PVT1: variants seen among roughly 807,000 people sequenced by gnomAD.
PVT1 encodes CXCR4/PVT1 fusion.
intron 2 of PVT1, among the ~76,000 whole-genome samples, chr8:127,809,530 A>T (rs1814568431): frequency 6.6e-6 from 1 of 152,190 alleles, no homozygotes; most frequent in Admixed American, 6.5e-5. Flanking sequence ...GGATGAGATT[A>T]GAGTGATGTG....
intron 5 of PVT1, among the ~76,000 whole-genome samples, chr8:128,092,174 C>T (rs1324463532): frequency 6.6e-6 from 1 of 152,122 alleles, no homozygotes; most frequent in African/African-American, 2.4e-5. Flanking sequence ...TGTCAGCCAG[C>T]CCCCCTGCTG....
At chr8:128,054,561 C>T (rs1586500033) in intron 4 of PVT1, among the ~76,000 whole-genome samples, 1 of 152,290 alleles carries the variant, frequency 6.6e-6, no homozygotes, top group East Asian at 1.9e-4. Flanking sequence ...GATTGAAACA[C>T]TGATGGCCTG....
At chr8:127,869,128 C>CTTTA (rs1269221969) in intron 2 of PVT1, among the ~76,000 whole-genome samples, 3 of 151,528 alleles carry the variant, frequency 2.0e-5, no homozygotes, top group South Asian at 2.1e-4. Flanking sequence ...CATTATTATT[C>CTTTA]TTTATTTATT....
chr8:127,984,968 C>T (rs28474948), intron 3 of PVT1, among the ~76,000 whole-genome samples: 3,111 of 131,570 alleles, frequency 0.024, 362 homozygotes, highest in African/African-American at 0.1. Context: ...TCCTTCCTCC[C>T]TCCTTCCTTC....
chr8:128,002,223 G>A (rs996512209), intron 4 of PVT1, among the ~76,000 whole-genome samples: 1 of 152,134 alleles, frequency 6.6e-6, no homozygotes, highest in South Asian at 2.1e-4. Flanking sequence ...TCTCACATCC[G>A]CCCTGGGTGA....
chr8:127,953,567 GCAACAGCACTATC>G (rs927617017), intron 3 of PVT1, among the ~76,000 whole-genome samples: 2 of 152,168 alleles, frequency 1.3e-5, no homozygotes, highest in Non-Finnish European at 2.9e-5. Flanking sequence ...TGCTCTGGTA[GCAACAGCACTATC>G]CACACCCCTC....
At chr8:127,989,022 A>T (rs1334227351) in intron 3 of PVT1, 2 of 152,216 alleles carry the variant, frequency 1.3e-5, no homozygotes, top group African/African-American at 2.4e-5. Context: ...TGCTCATTAA[A>T]TGTCTTCTCT....
chr8:127,922,134 C>T (rs1325385396), intron 3 of PVT1, among the ~76,000 whole-genome samples: 1 of 151,996 alleles, frequency 6.6e-6, no homozygotes, highest in Non-Finnish European at 1.5e-5. Flanking sequence ...GCAGGGATTA[C>T]AGGTGTGAGC....
intron 3 of PVT1, chr8:127,946,637 G>A (rs1173997535): frequency 6.5e-6 from 1 of 154,280 alleles, no homozygotes; most frequent in African/African-American, 2.4e-5. Flanking sequence ...AAATTAGGCA[G>A]ACAGGCAATA....
chr8:128,075,358 C>T (rs1228599707), intron 5 of PVT1, among the ~76,000 whole-genome samples: 1 of 152,026 alleles, frequency 6.6e-6, no homozygotes, highest in Non-Finnish European at 1.5e-5. Flanking sequence ...GATTTTTTTA[C>T]CTTCTTCATG....
At chr8:127,908,080 A>G (rs920511457) in intron 3 of PVT1, among the ~76,000 whole-genome samples, 1 of 152,116 alleles carries the variant, frequency 6.6e-6, no homozygotes. Context: ...GGCATTCTCT[A>G]TCTTAATTTT....
chr8:128,068,473 C>G (rs1813938951), intron 4 of PVT1, among the ~76,000 whole-genome samples: 1 of 152,018 alleles, frequency 6.6e-6, no homozygotes, highest in Non-Finnish European at 1.5e-5. Flanking sequence ...ATCAGGTTGC[C>G]AAAAATTAGA....
chr8:128,084,181 C>A (rs1257987584), intron 5 of PVT1, among the ~76,000 whole-genome samples: 1 of 152,150 alleles, frequency 6.6e-6, no homozygotes, highest in African/African-American at 2.4e-5. Context: ...TCCCATGGAT[C>A]TCATCTCAGA....
At position 127,861,836 on chromosome 8, in the gene PVT1, T is replaced by C. The variant is rs113968929; in HGVS notation, n.373-28753T>C. Among the ~76,000 whole-genome samples, 4 of 152,318 alleles carry C rather than the reference T, an allele frequency of 2.6e-5. 1 individual carries two copies. The highest frequency in any genetic ancestry group is 7.2e-5 in the African/African-American group (3 of 41,578). On this transcript the variant is annotated intron_variant and non_coding_transcript_variant, in intron 2 of 10. Coordinates refer to ENST00000651587, the Ensembl canonical transcript of PVT1. ...TTGCCTGCTACTGGTATTATTGTCA[T>C]TGTCATTGCTAATCATCAGCCAAGT...
At chr8:127,866,804 G>A (rs1815290733) in intron 2 of PVT1, among the ~76,000 whole-genome samples, 1 of 152,296 alleles carries the variant, frequency 6.6e-6, no homozygotes, top group Non-Finnish European at 1.5e-5. Flanking sequence ...CTTGGGCTCC[G>A]AGACCTAGGC....
chr8:127,846,838 A>G (rs538958569), intron 2 of PVT1, among the ~76,000 whole-genome samples: 1 of 143,698 alleles, frequency 7.0e-6, no homozygotes, highest in Non-Finnish European at 1.5e-5. Flanking sequence ...CACCCAGCAA[A>G]TTTTTTTTTT....
At chr8:127,853,833 A>C (rs1815131569) in intron 2 of PVT1, among the ~76,000 whole-genome samples, 1 of 151,840 alleles carries the variant, frequency 6.6e-6, no homozygotes, top group African/African-American at 2.4e-5. Context: ...GTGAATAAAG[A>C]GAGAAGAAAG....
At chr8:127,970,283 T>C (rs12676843) in intron 3 of PVT1, among the ~76,000 whole-genome samples, 2 of 134,964 alleles carry the variant, frequency 1.5e-5, no homozygotes, top group Non-Finnish European at 3.1e-5. Context: ...CCATCTGCCA[T>C]GATTTGTTTT....
At chr8:127,984,994 T>TTCCTTCC (rs1563657746) in intron 3 of PVT1, among the ~76,000 whole-genome samples, 1,184 of 67,106 alleles carry the variant, frequency 0.018, 84 homozygotes, top group Middle Eastern at 0.054. Context: ...TTTCTTTCTC[T>TTCCTTCC]TTCCTTCCTT....
Sources: allele counts gnomAD v4.1 joint callset (sites outside exome capture counted in the v4.1 genomes callset), GRCh38; gene constraint gnomAD v4.1.1; transcripts MANE v1.5; gene names NCBI Gene and HGNC (gene_info 2026-07-23, HGNC 2026-07-21).